CYBB: variants seen among roughly 807,000 people sequenced by gnomAD.
CYBB encodes NADPH oxidase 2.
A neutral mutation model predicts 46.5 loss-of-function variants in CYBB; 5 were observed. That is an observed-to-expected ratio of 0.11 (90% confidence interval 0.06 to 0.23). CYBB has a LOEUF of 0.23. Among genes scored for constraint, CYBB ranks in the 10% least tolerant of loss-of-function variants. The pLI is 1.00. For missense variants in CYBB, 307 were observed against 428.3 expected (o/e 0.72, Z 2.50); for synonymous variants, 183 against 156.7 (o/e 1.17, Z -1.26).
Position 37,812,956 on chromosome X carries a change from G to A in CYBB, c.*2039G>A, listed in dbSNP as rs765792906. On this transcript the variant is annotated 3_prime_UTR_variant, in exon 13 of 13. Coordinates refer to ENST00000378588, the MANE Select transcript of CYBB (RefSeq NM_000397.4). The stretch of plus-strand genomic sequence containing the variant: ...CTGGAGAGGGTACCTCAGTTATAAG[G>A]AGTCTGAGAATATTGGCCCTTTCTA... 1 of 111,792 alleles carries A rather than the reference G, an allele frequency of 8.9e-6. No individual in the cohort carries two copies. The highest frequency in any genetic ancestry group is 3.8e-4 in the South Asian group (1 of 2,660). The allele number at this position is 111,792 out of a possible 1,213,427, so 9.2% of individuals were successfully genotyped here.
chrX:37,809,876 A>G (rs1264771009), intron 12 of CYBB, among the ~76,000 whole-genome samples, 185 bp downstream of exon 12: 1 of 111,999 alleles, frequency 8.9e-6, no homozygotes, highest in Admixed American at 9.5e-5. Context: ...AAATTATACC[A>G]AATTACCTGG....
intron 3 of CYBB, among the ~76,000 whole-genome samples, chrX:37,789,328 G>A (rs1054820224): frequency 1.8e-5 from 2 of 110,655 alleles, no homozygotes; most frequent in African/African-American, 6.6e-5. Context: ...ACAGAGTGAT[G>A]TCTCATCATT....
At chrX:37,790,044 CATGGAT>C (rs1487668089) in intron 3 of CYBB, among the ~76,000 whole-genome samples, 5 of 111,864 alleles carry the variant, frequency 4.5e-5, no homozygotes, top group African/African-American at 1.6e-4. Flanking sequence ...CTCAGCCAAT[CATGGAT>C]GGCAGTTGGT....
chrX:37,793,304 G>A (rs1466348391), intron 4 of CYBB, among the ~76,000 whole-genome samples: 1 of 109,336 alleles, frequency 9.1e-6, no homozygotes, highest in African/African-American at 3.3e-5. Context: ...AATATATTAT[G>A]GAGAGAGATA....
Position 37,810,970 on chromosome X carries a change from T to A in CYBB, c.*53T>A. The A allele has an allele frequency of 9.2e-7, 1 of 1,086,713 alleles. No homozygotes were observed. Among genetic ancestry groups the A allele is most frequent in the Non-Finnish European group, 1.3e-6 (1 of 787,751 alleles). 89.6% of individuals were successfully genotyped at this position (1,086,713 alleles called of 1,213,427 possible). On this transcript the variant is annotated 3_prime_UTR_variant, in exon 13 of 13. Coordinates refer to ENST00000378588, the MANE Select transcript of CYBB (RefSeq NM_000397.4). ...TGGGTTGTGCTGCCAAATGCTCAAA[T>A]AATGCTAATTGATAATATAAATACC...
chrX:37,796,903 T>G (rs1929323172), intron 6 of CYBB, among the ~76,000 whole-genome samples: 2 of 111,910 alleles, frequency 1.8e-5, no homozygotes, highest in Admixed American at 1.9e-4. Flanking sequence ...GTGATAAATG[T>G]TCTCTTAGAG....
intron 3 of CYBB, among the ~76,000 whole-genome samples, chrX:37,789,456 A>G (rs1313313800): frequency 9.4e-6 from 1 of 106,613 alleles, no homozygotes; most frequent in East Asian, 2.9e-4. Context: ...AAATTTAAGA[A>G]GCCAAAGAAA....
intron 3 of CYBB, among the ~76,000 whole-genome samples, chrX:37,786,687 A>G (rs1229884208): frequency 9.0e-6 from 1 of 111,376 alleles, no homozygotes; most frequent in African/African-American, 3.3e-5. Flanking sequence ...TCAGCACACA[A>G]AAATCTCTGA....
chrX:37,792,158 G>A, intron 4 of CYBB, 99 bp downstream of exon 4: 1 of 564,598 alleles, frequency 1.8e-6, no homozygotes, highest in Non-Finnish European at 3.1e-6. Flanking sequence ...AGATTAAGTG[G>A]TGGTTGGATA....
In CYBB at chrX:37,809,686, C is replaced by G; in HGVS notation, c.1581C>G (p.His527Gln). Residue 527 changes from histidine to glutamine, a missense_variant, in exon 12 of 13, where the codon CAC becomes CAG. By Grantham distance (24) the His-to-Gln change is conservative. Transcript: ENST00000378588. Reference protein sequence around the residue: ...DNEFKTIASQHPNTRIGVFLC... With the variant: ...DNEFKTIASQQPNTRIGVFLC... ...AATTCAAGACAATTGCAAGTCAACA[C>G]CCTAAGTAAGGAGTCTGTCACCAAG... 3 of 1,209,471 alleles carry G rather than the reference C, an allele frequency of 2.5e-6. No individual in the cohort carries two copies. The highest frequency in any genetic ancestry group is 3.4e-6 in the Non-Finnish European group (3 of 894,200).
At chrX:37,780,424 G>GT (rs1556464196) in intron 1 of CYBB, among the ~76,000 whole-genome samples, 1 of 111,291 alleles carries the variant, frequency 9.0e-6, no homozygotes, top group Non-Finnish European at 1.9e-5. Context: ...GAGTTGTTTA[G>GT]TAATGTTTAC....
chrX:37,795,232 T>C lies in CYBB; in HGVS notation c.484-719T>C, dbSNP rs535456331. ...GAGATCTTGGAAGGTTGGTGGGGGG[T>C]GGCTGAATGGTTACCTGTTCCTGTG... On this transcript the variant is annotated intron_variant, in intron 5 of 12. Transcript: ENST00000378588. Among the ~76,000 whole-genome samples the C allele has an allele frequency of 9.0e-5, 10 of 110,871 alleles. No individual in the cohort carries two copies. In the South Asian group the frequency reaches 3.4e-3, roughly 38 times the overall value.
intron 2 of CYBB, among the ~76,000 whole-genome samples, chrX:37,782,467 G>A (rs782460015): frequency 8.9e-6 from 1 of 112,626 alleles, no homozygotes; most frequent in Non-Finnish European, 1.9e-5. Flanking sequence ...ACTCTGAAAT[G>A]GAAGGGCAGG....
intron 10 of CYBB, among the ~76,000 whole-genome samples, chrX:37,806,036 C>G (rs1465968879): frequency 8.9e-6 from 1 of 112,047 alleles, no homozygotes; most frequent in Non-Finnish European, 1.9e-5. Context: ...ATTTCTGTGG[C>G]AATCCCTGCT....
At chrX:37,782,209 A>T in intron 2 of CYBB, 26 bp downstream of exon 2, 1 of 966,583 alleles carries the variant, frequency 1.0e-6, no homozygotes, top group Non-Finnish European at 1.5e-6. Flanking sequence ...ATCCCATGCA[A>T]TATTGGCTGG....
intron 3 of CYBB, 90 bp downstream of exon 3, chrX:37,783,690 G>A: frequency 3.4e-6 from 2 of 589,907 alleles, no homozygotes. Context: ...TGAATGATTT[G>A]GGAGGATTCC....
At chrX:37,783,282 G>A (rs782744960) in intron 2 of CYBB, among the ~76,000 whole-genome samples, 22 of 111,929 alleles carry the variant, frequency 2.0e-4, no homozygotes, top group African/African-American at 7.1e-4. Flanking sequence ...ATAATAAAAT[G>A]TTGAATTAGG....
chrX:37,788,499 G>T (rs1336441202), intron 3 of CYBB, among the ~76,000 whole-genome samples: 1 of 111,518 alleles, frequency 9.0e-6, no homozygotes, highest in Non-Finnish European at 1.9e-5. Flanking sequence ...CCTGCTAGCT[G>T]GGGAGTGCAG....
intron 10 of CYBB, among the ~76,000 whole-genome samples, chrX:37,805,583 T>C (rs1235964995): frequency 1.8e-5 from 2 of 112,027 alleles, no homozygotes; most frequent in East Asian, 5.6e-4. Flanking sequence ...TTTTTCAATG[T>C]CTTCACAGGC....
Sources: allele counts gnomAD v4.1 joint callset (sites outside exome capture counted in the v4.1 genomes callset), GRCh38; gene constraint gnomAD v4.1.1; transcripts MANE v1.5; gene names NCBI Gene and HGNC (gene_info 2026-07-23, HGNC 2026-07-21).